The following DGCR2 variants were observed in gnomAD, a reference collection of about 807,000 sequenced individuals.
DGCR2 encodes the protein integral membrane protein DGCR2/IDD.
Under a neutral mutation model 51.6 loss-of-function variants are expected in DGCR2, and 24 were observed. The ratio of observed to expected loss-of-function variants is 0.47; its 90% CI spans 0.34 to 0.65. The LOEUF (loss-of-function observed/expected upper bound fraction) is 0.65. Among genes scored for constraint, DGCR2 ranks in the 30% least tolerant of loss-of-function variants. The pLI, the probability that DGCR2 is intolerant of heterozygous loss-of-function variation, is 0.01. For synonymous variants in DGCR2, 340 were observed against 315.4 expected, an observed-to-expected ratio of 1.08 and a Z score of -0.82; for missense variants, 765 against 772.1, an observed-to-expected ratio of 0.99 and a Z score of 0.11.
Position 19,056,564 on chromosome 22 carries a change from A to ACAC in DGCR2, c.802+421_802+422insGTG, listed in dbSNP as rs57017507. 3,348 of 338,204 alleles carry ACAC rather than the reference A, an allele frequency of 9.9e-3. 47 individuals are homozygous for ACAC. Among genetic ancestry groups the ACAC allele is most frequent in the East Asian group, 0.023 (388 of 16,588 alleles). The allele number at this position is 338,204 out of a possible 1,614,324, so 21.0% of individuals were successfully genotyped here. On this transcript the variant is annotated intron_variant, in intron 6 of 9. Transcript: ENST00000263196. ...GTTAGCTGGCTTTAATAAAAAAAAA[A>ACAC]AAACACACACACCATAGACTGGCAA...
intron 1 of DGCR2, among the ~76,000 whole-genome samples, chr22:19,091,047 A>G (rs2083072770): frequency 6.8e-6 from 1 of 147,608 alleles, no homozygotes; most frequent in Non-Finnish European, 1.5e-5. Context: ...CCATGTTAAC[A>G]CTAATCAAAG....
At chr22:19,078,443 T>G (rs1353655498) in intron 2 of DGCR2, among the ~76,000 whole-genome samples, 1 of 152,224 alleles carries the variant, frequency 6.6e-6, no homozygotes, top group Non-Finnish European at 1.5e-5. Context: ...CTGAATTCAT[T>G]TATTAGTTCT....
At chr22:19,084,769 C>T (rs1195778134) in intron 2 of DGCR2, among the ~76,000 whole-genome samples, 62 of 120,586 alleles carry the variant, frequency 5.1e-4, no homozygotes, top group Non-Finnish European at 8.5e-4. Flanking sequence ...GGTGGGGGGT[C>T]AGCCCCCGCC....
In DGCR2 at chr22:19,057,047, G is replaced by A. The variant is rs374709993; in HGVS notation, c.741C>T (p.His247=). Residue 247 remains histidine (H), a synonymous_variant, in exon 6 of 10, where the codon CAC becomes CAT. Transcript: ENST00000263196. The surrounding 1 kb of genome is among the most constrained non-coding windows in gnomAD (Gnocchi z 5.1). ...TCTCGGCGTGCCAGCTGTGGAGGTC[G>A]TGGTGCCGCAGGGTGGGGAAATGGA... is the stretch of plus-strand genomic sequence containing the variant. The part of the protein sequence containing the change: ...QCFHFPTLRH[H]DLHSWHAESC... 9.0e-5 allele frequency: 144 copies of A among 1,598,088 alleles called. No individual in the cohort carries two copies. Among genetic ancestry groups the A allele is most frequent in the Admixed American group, 2.1e-4 (12 of 57,046 alleles).
chr22:19,040,080 C>G (rs966829950), intron 9 of DGCR2, among the ~76,000 whole-genome samples: 1 of 152,172 alleles, frequency 6.6e-6, no homozygotes, highest in African/African-American at 2.4e-5. Context: ...ATGCACCTCC[C>G]TCCCGGCCAG....
At chr22:19,093,399 A>G (rs531399540) in intron 1 of DGCR2, among the ~76,000 whole-genome samples, 2 of 151,986 alleles carry the variant, frequency 1.3e-5, no homozygotes, top group East Asian at 3.9e-4. Context: ...TCATAGGCCT[A>G]CAGGTGAAGC....
chr22:19,117,884 T>C (rs1012519324), intron 1 of DGCR2, among the ~76,000 whole-genome samples: 1 of 152,186 alleles, frequency 6.6e-6, no homozygotes, highest in African/African-American at 2.4e-5. Context: ...AATCTACCAG[T>C]GGACAAACTC....
chr22:19,120,593 C>T (rs1645173366), intron 1 of DGCR2, among the ~76,000 whole-genome samples: 1 of 152,156 alleles, frequency 6.6e-6, no homozygotes, highest in African/African-American at 2.4e-5. Context: ...ACGTCAGTCA[C>T]CTCTATCACC....
chr22:19,042,033 C>G, intron 7 of DGCR2, 74 bp from the exon 8 acceptor site: 1 of 1,523,576 alleles, frequency 6.6e-7, no homozygotes, highest in East Asian at 2.4e-5. Flanking sequence ...TGCTGTCGTC[C>G]TCCTGCCCAG....
intron 1 of DGCR2, among the ~76,000 whole-genome samples, chr22:19,105,266 G>A (rs555828529): frequency 7.9e-4 from 120 of 152,292 alleles, no homozygotes; most frequent in African/African-American, 2.8e-3. Context: ...AGAGGTTGCA[G>A]TGAGCCAAGA....
chr22:19,053,184 C>T (rs1454873587), intron 6 of DGCR2, among the ~76,000 whole-genome samples: 1 of 152,240 alleles, frequency 6.6e-6, no homozygotes, highest in Non-Finnish European at 1.5e-5. Flanking sequence ...GGACCCAACT[C>T]CAGCTGCAGG....
chr22:19,039,144 G>A, intron 9 of DGCR2, 23 bp from the exon 10 acceptor site: 1 of 1,611,916 alleles, frequency 6.2e-7, no homozygotes, highest in Non-Finnish European at 8.5e-7. Context: ...ACAGAGGGGT[G>A]TCAGAGGCAG....
At chr22:19,108,569 TAAAAAAAAAAAAAAAAAAAA>T (rs55803042) in intron 1 of DGCR2, among the ~76,000 whole-genome samples, 19,630 of 92,534 alleles carry the variant, frequency 0.21, 2,288 homozygotes, top group South Asian at 0.43. Flanking sequence ...AGAATTTATC[TAAAAAAAAAAAAAAAAAAAA>T]AAAAAAAAAA....
At chr22:19,100,273 A>G (rs2083187130) in intron 1 of DGCR2, among the ~76,000 whole-genome samples, 1 of 152,028 alleles carries the variant, frequency 6.6e-6, no homozygotes, top group South Asian at 2.1e-4. Flanking sequence ...TGTCTCAAAA[A>G]AAAGAAAAAG....
chr22:19,091,145 GC>G (rs2083073941), intron 1 of DGCR2, among the ~76,000 whole-genome samples: 1 of 152,188 alleles, frequency 6.6e-6, no homozygotes, highest in Non-Finnish European at 1.5e-5. Flanking sequence ...GATCACTTGA[GC>G]CCAGGAGTTC....
intron 2 of DGCR2, among the ~76,000 whole-genome samples, chr22:19,069,914 A>C (rs2082794851): frequency 6.6e-6 from 1 of 152,222 alleles, no homozygotes; most frequent in Non-Finnish European, 1.5e-5. Flanking sequence ...TGTCCGAGAC[A>C]CTTTCAACAG....
chr22:19,103,739 TAAAAAAAA>T (rs34046451), intron 1 of DGCR2, among the ~76,000 whole-genome samples: 2 of 78,714 alleles, frequency 2.5e-5, no homozygotes, highest in African/African-American at 1.0e-4. Flanking sequence ...AAAAAATTCT[TAAAAAAAA>T]AAAAAAAAAA....
intron 2 of DGCR2, among the ~76,000 whole-genome samples, chr22:19,073,891 A>G (rs897203948): frequency 6.6e-6 from 1 of 152,200 alleles, no homozygotes; most frequent in Non-Finnish European, 1.5e-5. Context: ...ACGCAAGGAG[A>G]CACAGGTGAG....
In DGCR2 at chr22:19,038,732, C is replaced by T. The variant is rs575664159; in HGVS notation, c.*133G>A. On this transcript the variant is annotated 3_prime_UTR_variant, in exon 10 of 10. Coordinates refer to ENST00000263196, the MANE Select transcript of DGCR2 (RefSeq NM_005137.3). ...GCGGGCTGTGGTCTCTATGTACACA[C>T]GCGAGCCCGCCAGTGACGTGCGGCA... The T allele has an allele frequency of 5.2e-5, 66 of 1,271,908 alleles. No homozygotes were observed. Among genetic ancestry groups the T allele is most frequent in the Admixed American group, 7.1e-5 (3 of 42,196 alleles). 78.8% of individuals were successfully genotyped at this position (1,271,908 alleles called of 1,614,324 possible).
Sources: allele counts gnomAD v4.1 joint callset (sites outside exome capture counted in the v4.1 genomes callset), GRCh38; gene constraint gnomAD v4.1.1; non-coding constraint Gnocchi (gnomAD v3.1); transcripts MANE v1.5; gene names NCBI Gene and HGNC (gene_info 2026-07-23, HGNC 2026-07-21).